Variants in BRD7 observed in about 807,000 individuals in gnomAD.
BRD7 encodes the protein bromodomain-containing protein 7.
In BRD7, 15 loss-of-function variants were observed where a neutral mutation model predicts 82.1. That is an observed-to-expected ratio of 0.18 (90% CI 0.12 to 0.28). The LOEUF is 0.28. Ranked by LOEUF, BRD7 falls within the 10% of genes least tolerant of loss-of-function variation. The probability of loss-of-function intolerance (pLI) is 1.00; values close to 1 mark genes in which losing one functional copy is unlikely to be tolerated. For missense variants in BRD7, 638 were observed against 779.9 expected, an observed-to-expected ratio of 0.82 and a Z score of 2.17; for synonymous variants, 232 against 266.9, an observed-to-expected ratio of 0.87 and a Z score of 1.27.
intron 6 of BRD7, among the ~76,000 whole-genome samples, chr16:50,339,243 T>C (rs1428835976): frequency 1.3e-5 from 2 of 152,242 alleles, no homozygotes; most frequent in Non-Finnish European, 2.9e-5. Context: ...TTCTCTCATT[T>C]GTATATAGTC....
At chr16:50,355,194 A>T (rs1322222168) in intron 2 of BRD7, among the ~76,000 whole-genome samples, 1 of 152,250 alleles carries the variant, frequency 6.6e-6, no homozygotes. Context: ...ATCTAATAAA[A>T]GATACCCAAA....
At position 50,363,658 on chromosome 16, in the gene BRD7, T is replaced by TGC. The variant is rs1248113420; in HGVS notation, c.258+4431_258+4432insGC. Reference sequence around the variant, plus strand: ...TTGTGTGTTTGTGTGTGTGTGTGTGTGTGCGCGCGCGCGCGTGCGCGTGTG... The same window carrying TGC: ...TTGTGTGTTTGTGTGTGTGTGTGTGTGCGTGCGCGCGCGCGCGTGCGCGTGTG... On this transcript the variant is annotated intron_variant, in intron 2 of 16. Coordinates refer to ENST00000394688, the MANE Select transcript of BRD7 (RefSeq NM_013263.5). Among the ~76,000 whole-genome samples, 48 of 55,284 alleles carry TGC rather than the reference T, an allele frequency of 8.7e-4. 1 individual carries two copies. The Admixed American group carries it at 8.9e-3, about 10-fold the overall frequency. 36.3% of individuals were successfully genotyped at this position (55,284 alleles called of 152,430 possible). A position where few individuals can be genotyped will look rare whatever the true frequency, so the allele number is the denominator to read the frequency against.
chr16:50,368,627 G>T, intron 1 of BRD7, 99 bp downstream of exon 1: 1 of 1,312,026 alleles, frequency 7.6e-7, no homozygotes. Flanking sequence ...CCTGCCGTGG[G>T]AAGGAAGGGC....
chr16:50,350,319 T>A, intron 4 of BRD7, 152 bp from the exon 5 acceptor site: 1 of 547,202 alleles, frequency 1.8e-6, no homozygotes, highest in Non-Finnish European at 2.9e-6. Context: ...GAAATGATTT[T>A]AAAGTCTATT....
intron 5 of BRD7, among the ~76,000 whole-genome samples, chr16:50,346,513 T>C (rs1597072501): frequency 6.6e-6 from 1 of 152,170 alleles, no homozygotes; most frequent in Non-Finnish European, 1.5e-5. Flanking sequence ...ACAAAATTGA[T>C]AGACCACTAG....
At chr16:50,320,915 G>T (rs1001862690) in intron 13 of BRD7, 141 bp from the exon 14 acceptor site, 6 of 648,256 alleles carry the variant, frequency 9.3e-6, no homozygotes, top group Middle Eastern at 2.6e-4. Flanking sequence ...GATGCTTACA[G>T]AAAATGAATT....
At chr16:50,335,778 A>G (rs2037772127) in intron 6 of BRD7, among the ~76,000 whole-genome samples, 1 of 152,220 alleles carries the variant, frequency 6.6e-6, no homozygotes, top group Admixed American at 6.5e-5. Flanking sequence ...ACCAGCAACT[A>G]AGACTAGGCT....
chr16:50,366,794 T>G (rs1450594058), intron 2 of BRD7, among the ~76,000 whole-genome samples: 1 of 152,212 alleles, frequency 6.6e-6, no homozygotes, highest in East Asian at 1.9e-4. Context: ...TCTTCACGAA[T>G]TACTTTACTA....
intron 12 of BRD7, among the ~76,000 whole-genome samples, chr16:50,323,218 C>T (rs1217403656): frequency 6.6e-6 from 1 of 152,206 alleles, no homozygotes; most frequent in Non-Finnish European, 1.5e-5. Flanking sequence ...TCCCGATGTG[C>T]TATTACTGCA....
chr16:50,349,076 A>G (rs1238192178), intron 5 of BRD7: 1 of 155,978 alleles, frequency 6.4e-6, no homozygotes, highest in Non-Finnish European at 1.4e-5. Flanking sequence ...CTATGCAGCC[A>G]TAAAAAGGAT....
chr16:50,330,641 T>C (rs576991065), intron 8 of BRD7, among the ~76,000 whole-genome samples: 8 of 152,326 alleles, frequency 5.3e-5, no homozygotes, highest in African/African-American at 1.7e-4. Flanking sequence ...ATATGTGTCA[T>C]GTGTATGTGA....
At chr16:50,341,528 A>G (rs1478404611) in intron 5 of BRD7, among the ~76,000 whole-genome samples, 2 of 151,382 alleles carry the variant, frequency 1.3e-5, no homozygotes, top group African/African-American at 4.9e-5. Flanking sequence ...CTGTAGTCCC[A>G]GCTACTTGGG....
chr16:50,341,908 TGA>T (rs1283368476), intron 5 of BRD7, among the ~76,000 whole-genome samples: 2 of 146,038 alleles, frequency 1.4e-5, no homozygotes. Context: ...TTCAAAAAGC[TGA>T]GTCTTCCTGC....
At chr16:50,346,556 T>C (rs2038291700) in intron 5 of BRD7, among the ~76,000 whole-genome samples, 1 of 151,976 alleles carries the variant, frequency 6.6e-6, no homozygotes, top group African/African-American at 2.4e-5. Flanking sequence ...AAGAATCAAA[T>C]AGATGCAATA....
intron 1 of BRD7, 120 bp downstream of exon 1, chr16:50,368,606 G>A: frequency 2.8e-6 from 3 of 1,089,082 alleles, no homozygotes; most frequent in East Asian, 3.3e-5. Flanking sequence ...CGCCCCCTTC[G>A]CCGGCCTGGG....
At chr16:50,367,254 G>C (rs1000992796) in intron 2 of BRD7, among the ~76,000 whole-genome samples, 2 of 152,132 alleles carry the variant, frequency 1.3e-5, no homozygotes, top group Non-Finnish European at 2.9e-5. Context: ...ACAGAGTCTC[G>C]TATTATTGCC....
chr16:50,350,271 T>C, intron 4 of BRD7, 104 bp from the exon 5 acceptor site: 1 of 779,488 alleles, frequency 1.3e-6, no homozygotes, highest in Non-Finnish European at 1.8e-6. Context: ...GCAGAAAGAA[T>C]TTGTAATATG....
intron 8 of BRD7, among the ~76,000 whole-genome samples, chr16:50,331,663 C>A (rs971850812): frequency 1.3e-5 from 2 of 152,226 alleles, no homozygotes; most frequent in African/African-American, 4.8e-5. Flanking sequence ...GATTGTGCCA[C>A]TGCACACTCC....
chr16:50,350,387 CT>C (rs1432017706), intron 4 of BRD7, among the ~76,000 whole-genome samples: 1 of 152,144 alleles, frequency 6.6e-6, no homozygotes, highest in Non-Finnish European at 1.5e-5. Flanking sequence ...ATGGAGATTT[CT>C]TTCTTTTAAA....
Sources: allele counts gnomAD v4.1 joint callset (sites outside exome capture counted in the v4.1 genomes callset), GRCh38; gene constraint gnomAD v4.1.1; transcripts MANE v1.5; gene names NCBI Gene and HGNC (gene_info 2026-07-23, HGNC 2026-07-21).